The following PFKFB1 variants were observed in gnomAD, a reference collection of about 807,000 sequenced individuals.
PFKFB1 encodes the protein 6-phosphofructo-2-kinase/fructose-2,6-biphosphatase 1, also known as 6-phosphofructo-2-kinase/fructose-2,6-bisphosphatase 1.
PFKFB1 carries 34 observed loss-of-function variants against 46.4 expected under a neutral mutation model. That is an observed-to-expected ratio of 0.73 (90% CI 0.56 to 0.98). The LOEUF is 0.98. Ranked by LOEUF, PFKFB1 falls within the 50% of genes least tolerant of loss-of-function variation. PFKFB1 has a pLI of 0.00. For synonymous variants in PFKFB1, 119 were observed against 133.8 expected (o/e 0.89, Z 0.76); for missense variants, 393 against 376.3 (o/e 1.04, Z -0.37).
chrX:54,996,786 T>C (rs1935363305), upstream of PFKFB1, among the ~76,000 whole-genome samples: 1 of 111,876 alleles, frequency 8.9e-6, no homozygotes, highest in South Asian at 3.8e-4. Flanking sequence ...TCCTGTTTTT[T>C]GGCCTTTGCT....
chrX:54,955,852 C>T (rs981805866), intron 7 of PFKFB1, among the ~76,000 whole-genome samples: 4 of 112,246 alleles, frequency 3.6e-5, no homozygotes, highest in African/African-American at 6.5e-5. Flanking sequence ...GTGTCATTCA[C>T]GTGTGAAGAA....
intron 8 of PFKFB1, 41 bp from the exon 9 acceptor site, chrX:54,949,262 G>A (rs779877561): frequency 9.2e-7 from 1 of 1,090,270 alleles, no homozygotes; most frequent in Non-Finnish European, 1.2e-6. Flanking sequence ...AGGGGAAAAG[G>A]AGAGGTGAGA....
At chrX:54,941,541 T>G (rs966116473) in intron 10 of PFKFB1, among the ~76,000 whole-genome samples, 3 of 111,426 alleles carry the variant, frequency 2.7e-5, no homozygotes, top group Non-Finnish European at 3.8e-5. Context: ...GAAACAAATT[T>G]ACAAGAAAAA....
intron 11 of PFKFB1, among the ~76,000 whole-genome samples, chrX:54,936,379 G>T (rs55688372): frequency 1.9e-4 from 20 of 104,754 alleles, no homozygotes; most frequent in East Asian, 9.4e-4. Flanking sequence ...TGGGGTGGGT[G>T]GGGGGGTGAG....
intron 1 of PFKFB1, among the ~76,000 whole-genome samples, chrX:54,976,489 T>G (rs1312214726): frequency 1.8e-5 from 2 of 111,715 alleles, no homozygotes; most frequent in Non-Finnish European, 3.8e-5. Context: ...CATGACAATA[T>G]GAAATGCTGG....
intron 3 of PFKFB1, among the ~76,000 whole-genome samples, chrX:54,960,422 G>A (rs1056625430): frequency 8.9e-6 from 1 of 112,551 alleles, no homozygotes; most frequent in Non-Finnish European, 1.9e-5. Flanking sequence ...AGACCTTGAG[G>A]TTGAACTGAT....
chrX:54,939,279 C>A (rs1933525725), intron 10 of PFKFB1, among the ~76,000 whole-genome samples: 1 of 111,125 alleles, frequency 9.0e-6, no homozygotes, highest in Non-Finnish European at 1.9e-5. Context: ...TAAATGCCCA[C>A]AACAGAAAGC....
chrX:54,947,152 C>G (rs1427877883), intron 9 of PFKFB1, among the ~76,000 whole-genome samples: 1 of 111,785 alleles, frequency 8.9e-6, no homozygotes, highest in African/African-American at 3.3e-5. Context: ...TTGATCCTTT[C>G]TACTTGGTTC....
chrX:54,979,146 CA>C (rs1276161558), intron 1 of PFKFB1, among the ~76,000 whole-genome samples: 1 of 111,308 alleles, frequency 9.0e-6, no homozygotes, highest in Non-Finnish European at 1.9e-5. Context: ...AGCAATTCTA[CA>C]ATTGTTCTGT....
At chrX:54,990,802 C>CT (rs1935220501) in intron 1 of PFKFB1, among the ~76,000 whole-genome samples, 2 of 112,148 alleles carry the variant, frequency 1.8e-5, no homozygotes, top group African/African-American at 6.5e-5. Flanking sequence ...AAGAAAAACT[C>CT]TAATGTATTG....
Position 54,933,255 on chromosome X carries a change from G to A in PFKFB1, c.*148C>T, listed in dbSNP as rs985867505. The A allele has an allele frequency of 6.2e-5, 30 of 482,305 alleles. 1 individual carries two copies. The South Asian group carries it at 7.4e-4, about 12-fold the overall frequency. The allele number at this position is 482,305 out of a possible 1,213,427, so 39.7% of individuals were successfully genotyped here. A position where few individuals can be genotyped will look rare whatever the true frequency, so the allele number is the denominator to read the frequency against. ...AGCTCCTTGGTTGCGGCCAGCAAGC[G>A]AGGCTTGTTTGGGAGTTGCGGAGGA... On this transcript the variant is annotated 3_prime_UTR_variant, in exon 14 of 14. Transcript: ENST00000375006.
At chrX:54,973,603 T>C (rs2146662247) in intron 1 of PFKFB1, among the ~76,000 whole-genome samples, 1 of 111,695 alleles carries the variant, frequency 9.0e-6, no homozygotes, top group African/African-American at 3.3e-5. Flanking sequence ...ATGTACCCAG[T>C]AGTCATTCAG....
chrX:54,962,830 CTGGATATATGCCT>C (rs776743624), intron 2 of PFKFB1, among the ~76,000 whole-genome samples: 1 of 112,233 alleles, frequency 8.9e-6, no homozygotes, highest in African/African-American at 3.2e-5. Context: ...GGTTCTGTAA[CTGGATATATGCCT>C]TTAGACAAGG....
chrX:54,969,784 A>G (rs990906182), intron 1 of PFKFB1, among the ~76,000 whole-genome samples: 3 of 112,118 alleles, frequency 2.7e-5, no homozygotes, highest in Non-Finnish European at 5.6e-5. Flanking sequence ...TGTAACTCCC[A>G]GTCAATATTA....
chrX:54,934,328 A>T (rs1462415935), intron 12 of PFKFB1, among the ~76,000 whole-genome samples: 1 of 111,907 alleles, frequency 8.9e-6, no homozygotes, highest in Admixed American at 9.5e-5. Context: ...GGCAAAGTTT[A>T]TCTGGAGGAC....
intron 6 of PFKFB1, among the ~76,000 whole-genome samples, chrX:54,957,406 T>A (rs1934182661): frequency 9.0e-6 from 1 of 110,960 alleles, no homozygotes; most frequent in Non-Finnish European, 1.9e-5. Flanking sequence ...TATATATACT[T>A]GCCAGTCTTC....
At position 54,935,007 on chromosome X, in the gene PFKFB1, C is replaced by T. The variant is rs1369577573; in HGVS notation, c.1231G>A (p.Glu411Lys). ...LAYFLDKSSDELPYLKCPLHT... is the reference protein window; with the variant it reads ...LAYFLDKSSDKLPYLKCPLHT... ...AGAGGGCACTTGAGATATGGAAGCT[C>T]ATCTAGAAAGGAACAGGAAGCAGCC... is the stretch of plus-strand genomic sequence containing the variant. The change falls in exon 12 of 14, where the codon GAG becomes AAG. Residue 411 changes from glutamate (E) to lysine (K), a missense_variant and splice_region_variant. Physicochemically the swap from Glu to Lys is moderately conservative, Grantham distance 56. Coordinates refer to ENST00000375006, the MANE Select transcript of PFKFB1 (RefSeq NM_002625.4). The T allele has an allele frequency of 8.3e-7, 1 of 1,200,725 alleles. No homozygotes were observed. The highest frequency in any genetic ancestry group is 1.1e-6 in the Non-Finnish European group (1 of 887,308).
chrX:54,966,978 AC>A (rs1934495228), intron 1 of PFKFB1, among the ~76,000 whole-genome samples: 1 of 111,921 alleles, frequency 8.9e-6, no homozygotes, highest in Non-Finnish European at 1.9e-5. Context: ...AAACTCAACT[AC>A]AAATTACACC....
At position 54,949,183 on chromosome X, in the gene PFKFB1, G is replaced by GC. The variant is rs1438695346; in HGVS notation, c.884dup (p.Ile296HisfsTer19). On this transcript the variant is annotated frameshift_variant, in exon 9 of 14. Coordinates refer to ENST00000375006, the MANE Select transcript of PFKFB1 (RefSeq NM_002625.4). LOFTEE classifies it high-confidence loss of function. Reference sequence around the variant, plus strand: ...TGGTCCACACCTTCAGGGAGCTGATGCCCTGGGACTGAATGAAGTTGGCCA... The same window carrying GC: ...TGGTCCACACCTTCAGGGAGCTGATGCCCCTGGGACTGAATGAAGTTGGCCA... 1 of 1,209,087 alleles carries GC rather than the reference G, an allele frequency of 8.3e-7. No individual in the cohort carries two copies. The highest frequency in any genetic ancestry group is 1.8e-5 in the South Asian group (1 of 56,601).
Sources: gnomAD v4.1 joint callset for allele counts (sites outside exome capture counted in the v4.1 genomes callset) on GRCh38, gnomAD v4.1.1 for gene constraint, MANE v1.5 for transcripts, NCBI Gene and HGNC (gene_info 2026-07-23, HGNC 2026-07-21) for gene names.